Variants in VTI1A observed in about 807,000 individuals in gnomAD.
VTI1A encodes vesicle transport through interaction with t-SNAREs 1A.
In VTI1A, 22 loss-of-function variants were observed where a neutral mutation model predicts 34.9. That is an observed-to-expected ratio of 0.63 (90% CI 0.45 to 0.90). VTI1A has a LOEUF of 0.90. Among genes scored for constraint, VTI1A ranks in the 40% least tolerant of loss-of-function variants. The pLI is 0.00. For missense variants in VTI1A, 268 were observed against 275.6 expected, an observed-to-expected ratio of 0.97 and a Z score of 0.20; for synonymous variants, 87 against 97.3, an observed-to-expected ratio of 0.89 and a Z score of 0.62.
chr10:112,474,458 C>CT lies in VTI1A; in HGVS notation c.264+9816dup, dbSNP rs35475815. Among the ~76,000 whole-genome samples, 1,284 of 142,026 alleles carry CT rather than the reference C, an allele frequency of 9.0e-3. 8 individuals are homozygous for CT. The highest frequency in any genetic ancestry group is 0.017 in the Admixed American group (234 of 14,126). The allele number at this position is 142,026 out of a possible 152,430, so 93.2% of individuals were successfully genotyped here. A position where few individuals can be genotyped will look rare whatever the true frequency, so the allele number is the denominator to read the frequency against. Reference sequence around the variant, plus strand: ...TTCATTTTCTTTTCTTCATTCTTTCCTTTTTTTTTTTTTTTAAGACAGGGC... The same window carrying CT: ...TTCATTTTCTTTTCTTCATTCTTTCCTTTTTTTTTTTTTTTTAAGACAGGGC... On this transcript the variant is annotated intron_variant, in intron 3 of 7. Coordinates refer to ENST00000393077, the MANE Select transcript of VTI1A (RefSeq NM_145206.4).
intron 3 of VTI1A, among the ~76,000 whole-genome samples, chr10:112,503,965 G>A (rs1367176408): frequency 6.6e-6 from 1 of 152,088 alleles, no homozygotes; most frequent in East Asian, 1.9e-4. Context: ...TCAAAAATGG[G>A]GATTCCTTCT....
At chr10:112,673,092 A>AG (rs1040663987) in intron 7 of VTI1A, among the ~76,000 whole-genome samples, 46 of 152,256 alleles carry the variant, frequency 3.0e-4, no homozygotes, top group African/African-American at 1.1e-3. Context: ...CGAGGCAGGC[A>AG]GATCACTTGA....
Position 112,643,005 on chromosome 10 carries a change from CAG to C in VTI1A, c.428-25210_428-25209del, listed in dbSNP as rs1846636229. On this transcript the variant is annotated intron_variant, in intron 5 of 7. Transcript: ENST00000393077. ...TTTTTTTTTTTTTTTGTTTTTAAGACAGAGTCTCACTCTTGTCACCCCAGGCT... is the reference window on the plus strand; with the variant it reads ...TTTTTTTTTTTTTTTGTTTTTAAGACAGTCTCACTCTTGTCACCCCAGGCT... Among the ~76,000 whole-genome samples, 3 of 117,504 alleles carry C rather than the reference CAG, an allele frequency of 2.6e-5. No homozygotes were observed. In the South Asian group the frequency reaches 8.1e-4, roughly 32 times the overall value. 77.1% of individuals were successfully genotyped at this position (117,504 alleles called of 152,430 possible). A position where few individuals can be genotyped will look rare whatever the true frequency, so the allele number is the denominator to read the frequency against.
intron 5 of VTI1A, among the ~76,000 whole-genome samples, chr10:112,588,082 G>A (rs1001031676): frequency 1.3e-5 from 2 of 152,108 alleles, no homozygotes; most frequent in East Asian, 1.9e-4. Context: ...ACCTGATGGG[G>A]CTTTTAAAGG....
chr10:112,850,213 A>G, the VTI1A span, among the ~76,000 whole-genome samples: 1 of 152,152 alleles, frequency 6.6e-6, no homozygotes, highest in East Asian at 1.9e-4. Flanking sequence ...ACGGCCTATT[A>G]TTACCTGGCT....
At chr10:112,689,749 A>C (rs1185870420) in intron 7 of VTI1A, among the ~76,000 whole-genome samples, 1 of 151,266 alleles carries the variant, frequency 6.6e-6, no homozygotes, top group Non-Finnish European at 1.5e-5. Flanking sequence ...TGCTCTGCAC[A>C]GTTTTTTTTT....
In VTI1A at chr10:112,485,840, C is replaced by T. The variant is rs117081928; in HGVS notation, c.264+21183C>T. Among the ~76,000 whole-genome samples the T allele has an allele frequency of 1.9e-3, 292 of 152,264 alleles. 1 individual carries two copies. The highest frequency in any genetic ancestry group is 2.4e-3 in the Non-Finnish European group (166 of 68,016). ...GTTACCATTACTGTTTCATGTATCA[C>T]TAAAAGCAGCTGTTGGAATAAGATT... On this transcript the variant is annotated intron_variant, in intron 3 of 7. Coordinates refer to ENST00000393077, the MANE Select transcript of VTI1A (RefSeq NM_145206.4).
chr10:112,687,455 G>C (rs1007598963), intron 7 of VTI1A, among the ~76,000 whole-genome samples: 1 of 151,226 alleles, frequency 6.6e-6, no homozygotes, highest in Non-Finnish European at 1.5e-5. Flanking sequence ...GGATGGTCTC[G>C]ATCTCCTGAC....
intron 5 of VTI1A, among the ~76,000 whole-genome samples, chr10:112,641,684 G>A (rs1304734235): frequency 6.6e-6 from 1 of 152,112 alleles, no homozygotes; most frequent in Non-Finnish European, 1.5e-5. Context: ...CCTTCCAAAT[G>A]TTCCTTTCCC....
At chr10:112,591,430 G>A (rs1387494407) in intron 5 of VTI1A, among the ~76,000 whole-genome samples, 1 of 152,128 alleles carries the variant, frequency 6.6e-6, no homozygotes, top group African/African-American at 2.4e-5. Context: ...TGAAGCAGGA[G>A]AATGGCATTA....
the VTI1A span, among the ~76,000 whole-genome samples, chr10:112,839,524 G>T: frequency 6.6e-6 from 1 of 150,626 alleles, no homozygotes; most frequent in East Asian, 2.0e-4. Flanking sequence ...AAGGACTGCT[G>T]GCTGGTTGGG....
At chr10:112,707,883 G>T (rs1849255679) in intron 7 of VTI1A, among the ~76,000 whole-genome samples, 1 of 152,200 alleles carries the variant, frequency 6.6e-6, no homozygotes, top group Non-Finnish European at 1.5e-5. Context: ...TTTGGTTCAT[G>T]TAATTGCCTT....
At chr10:112,479,112 A>T (rs1288748297) in intron 3 of VTI1A, among the ~76,000 whole-genome samples, 1 of 152,202 alleles carries the variant, frequency 6.6e-6, no homozygotes, top group Non-Finnish European at 1.5e-5. Context: ...GTTTGCAGTG[A>T]GCCAAGATTG....
intron 5 of VTI1A, among the ~76,000 whole-genome samples, chr10:112,599,948 T>A (rs1041863439): frequency 4.6e-5 from 7 of 152,232 alleles, no homozygotes; most frequent in South Asian, 2.1e-4. Context: ...AAATTTTTTT[T>A]AATAAATTAT....
chr10:112,475,510 G>C (rs1347272951), intron 3 of VTI1A, among the ~76,000 whole-genome samples: 1 of 152,124 alleles, frequency 6.6e-6, no homozygotes, highest in African/African-American at 2.4e-5. Flanking sequence ...GCAAATTTTT[G>C]CTATGACTTT....
At chr10:112,577,252 G>A (rs1843744110) in intron 5 of VTI1A, among the ~76,000 whole-genome samples, 1 of 152,108 alleles carries the variant, frequency 6.6e-6, no homozygotes, top group Non-Finnish European at 1.5e-5. Flanking sequence ...AGGGGTTAGG[G>A]CTTCAACGTG....
intron 5 of VTI1A, among the ~76,000 whole-genome samples, chr10:112,598,299 T>C (rs1171295198): frequency 6.6e-6 from 1 of 152,198 alleles, no homozygotes; most frequent in African/African-American, 2.4e-5. Flanking sequence ...TTTTCACTTA[T>C]GCAGGTAGTT....
intron 3 of VTI1A, among the ~76,000 whole-genome samples, chr10:112,488,979 C>T (rs1013555003): frequency 3.9e-5 from 6 of 152,088 alleles, no homozygotes; most frequent in African/African-American, 7.2e-5. Context: ...CCTCTTAGCT[C>T]GCAGTTTCCT....
intron 5 of VTI1A, among the ~76,000 whole-genome samples, chr10:112,602,810 C>T (rs770853412): frequency 6.6e-6 from 1 of 152,128 alleles, no homozygotes; most frequent in Non-Finnish European, 1.5e-5. Flanking sequence ...TTTGTAAACA[C>T]TTATTTGGGT....
Sources: allele counts gnomAD v4.1 joint callset (sites outside exome capture counted in the v4.1 genomes callset), GRCh38; gene constraint gnomAD v4.1.1; transcripts MANE v1.5; gene names NCBI Gene and HGNC (gene_info 2026-07-23, HGNC 2026-07-21).